Variants in NES observed in about 807,000 individuals in gnomAD.
NES encodes nestin.
Under a neutral mutation model 35.6 loss-of-function variants are expected in NES, and 27 were observed. The observed-to-expected ratio is 0.76, with a 90% CI of 0.56 to 1.04. The LOEUF (loss-of-function observed/expected upper bound fraction) is 1.04. Among genes scored for constraint, NES ranks in the 50% least tolerant of loss-of-function variants. The pLI is 0.00. For missense variants in NES, 1,867 were observed against 1,983.6 expected (o/e 0.94, Z 1.12); for synonymous variants, 822 against 824.2 (o/e 1.00, Z 0.04).
At chr1:156,673,986 G>T (rs1557999777) in intron 2 of NES, among the ~76,000 whole-genome samples, 1 of 152,172 alleles carries the variant, frequency 6.6e-6, no homozygotes, top group Non-Finnish European at 1.5e-5. Context: ...CCCATGGGAT[G>T]GGCTCCCTCC....
intron 3 of NES, 97 bp from the exon 4 acceptor site, chr1:156,673,302 G>A (rs1679776565): frequency 1.5e-6 from 2 of 1,294,542 alleles, no homozygotes; most frequent in East Asian, 4.8e-5. Context: ...CCATGCGCCT[G>A]CCCCTGGCGC....
chr1:156,676,440 C>A lies in NES; in HGVS notation c.783+42G>T, dbSNP rs1409535585. Reference sequence around the variant, plus strand: ...GAGCTTCATAAGGGACTTTCTGGAGCTTTCTGGGACTTTCTCTCACCCAGG... The same window carrying A: ...GAGCTTCATAAGGGACTTTCTGGAGATTTCTGGGACTTTCTCTCACCCAGG... On this transcript the variant is annotated intron_variant, in intron 1 of 3. Transcript: ENST00000368223. The surrounding 1 kb of genome is among the most constrained non-coding windows in gnomAD (Gnocchi z 5.3). 6.3e-7 allele frequency: 1 copy of A among 1,588,714 alleles called. No individual in the cohort carries two copies. Among genetic ancestry groups the A allele is most frequent in the East Asian group, 2.2e-5 (1 of 44,688 alleles).
intron 2 of NES, 22 bp downstream of exon 2, chr1:156,675,194 G>A: frequency 6.2e-7 from 1 of 1,609,256 alleles, no homozygotes; most frequent in Non-Finnish European, 8.5e-7. Context: ...GTGTGCCTGG[G>A]TGGACAGGGC....
chr1:156,677,235 A>T lies in NES; in HGVS notation c.30T>A (p.Phe10Leu), dbSNP rs770451506. Residue 10 changes from phenylalanine to leucine, a missense_variant, in exon 1 of 4, where the codon TTT becomes TTA. Physicochemically the swap from Phe to Leu is conservative, Grantham distance 22. Coordinates refer to ENST00000368223, the MANE Select transcript of NES (RefSeq NM_006617.2). This position sits in a 1 kb window ranked among gnomAD's most constrained non-coding sequence, Gnocchi z 4.5. MEGCMGEES[F>L]QMWELNRRLE... ...GGCGCCGATTGAGCTCCCACATCTG[A>T]AACGACTCCTCCCCCATGCAGCCCT... 2.5e-6 allele frequency: 4 copies of T among 1,612,516 alleles called. No individual in the cohort carries two copies. In the South Asian group the frequency reaches 4.4e-5, roughly 18 times the overall value.
In NES at chr1:156,672,712, T is replaced by C; in HGVS notation, c.1476A>G (p.Ile492Met). ...TTTGCCCTTCACCTTCCCCTCGGCA[T>C]ATGCTGAACACTCTAGACCCACCGG... ...GESGGSRVFS[I>M]CRGEGEGQIW... Residue 492 changes from isoleucine to methionine, a missense_variant, in exon 4 of 4, where the codon ATA (isoleucine) becomes ATG (methionine). Ile to Met is a conservative substitution (Grantham distance 10). Coordinates refer to ENST00000368223, the MANE Select transcript of NES (RefSeq NM_006617.2). 6.2e-7 allele frequency: 1 copy of C among 1,613,740 alleles called. No individual in the cohort carries two copies. The highest frequency in any genetic ancestry group is 1.6e-4 in the Middle Eastern group (1 of 6,062).
At position 156,672,573 on chromosome 1, in the gene NES, C is replaced by A; in HGVS notation, c.1615G>T (p.Val539Phe). Residue 539 changes from valine (V) to phenylalanine (F), a missense_variant, in exon 4 of 4, where the codon GTT becomes TTT. Transcript: ENST00000368223. ...TTCAGGGTTTCTTTTTCCAAAGGAACCTGGGAGTCCTGGATTTCCTTCCTG... is the reference window on the plus strand; with the variant it reads ...TTCAGGGTTTCTTTTTCCAAAGGAAACTGGGAGTCCTGGATTTCCTTCCTG... ...LNRKEIQDSQVPLEKETLKSL... is the reference protein window; with the variant it reads ...LNRKEIQDSQFPLEKETLKSL... 6.2e-7 allele frequency: 1 copy of A among 1,613,802 alleles called. No individual in the cohort carries two copies. Among genetic ancestry groups the A allele is most frequent in the Non-Finnish European group, 8.5e-7 (1 of 1,180,002 alleles).
rs750356478 is a variant in NES, at chr1:156,673,297, C to T, written c.983-92G>A. The T allele has an allele frequency of 2.3e-5, 30 of 1,304,026 alleles. No individual in the cohort carries two copies. In the East Asian group the frequency reaches 4.1e-4, roughly 18 times the overall value. 80.8% of individuals were successfully genotyped at this position (1,304,026 alleles called of 1,614,324 possible). ...GCCACCGCTGGCAAGAGTATCCATGCGCCTGCCCCTGGCGCCCATGGCTGG... is the reference window on the plus strand; with the variant it reads ...GCCACCGCTGGCAAGAGTATCCATGTGCCTGCCCCTGGCGCCCATGGCTGG... On this transcript the variant is annotated intron_variant, in intron 3 of 3. Transcript: ENST00000368223.
In NES at chr1:156,670,489, A is replaced by AG; in HGVS notation, c.3698dup (p.Gly1234TrpfsTer7). 1 of 1,584,596 alleles carries AG rather than the reference A, an allele frequency of 6.3e-7. No individual in the cohort carries two copies. The highest frequency in any genetic ancestry group is 8.6e-7 in the Non-Finnish European group (1 of 1,163,106). On this transcript the variant is annotated frameshift_variant, in exon 4 of 4. Transcript: ENST00000368223. LOFTEE classifies it low-confidence loss of function (END_TRUNC). ...TCCCTTCAGCCTGAGGCTGAGGCCC[A>AG]GGGGCATCTTCCAGGATCGGGGTGT...
Position 156,672,594 on chromosome 1 carries a change from T to C in NES, c.1594A>G (p.Lys532Glu), listed in dbSNP as rs561908124. ...GGAACCTGGGAGTCCTGGATTTCCT[T>C]CCTGTTTAGATCCTCTTCTTCCCAT... Reference protein sequence around the residue: ...EIWEEEDLNRKEIQDSQVPLE... With the variant: ...EIWEEEDLNREEIQDSQVPLE... Residue 532 changes from lysine to glutamate, a missense_variant, in exon 4 of 4, where the codon AAG (lysine) becomes GAG (glutamate). Lys to Glu is a moderately conservative substitution (Grantham distance 56). Transcript: ENST00000368223. 4.3e-6 allele frequency: 7 copies of C among 1,613,790 alleles called. No homozygotes were observed. In the South Asian group the frequency reaches 6.6e-5, roughly 15 times the overall value.
Position 156,671,200 on chromosome 1 carries a change from C to A in NES, c.2988G>T (p.Glu996Asp). 1.2e-6 allele frequency: 2 copies of A among 1,614,164 alleles called. No individual in the cohort carries two copies. The highest frequency in any genetic ancestry group is 2.2e-5 in the South Asian group (2 of 91,080). Residue 996 changes from glutamate (E) to aspartate (D), a missense_variant, in exon 4 of 4, where the codon GAG becomes GAT. Glu to Asp is a conservative substitution (Grantham distance 45, BLOSUM62 2). Coordinates refer to ENST00000368223, the MANE Select transcript of NES (RefSeq NM_006617.2). ...DGFTGKEEVVEQGELNATEEV... is the reference protein window; with the variant it reads ...DGFTGKEEVVDQGELNATEEV... ...CCTCTGTGGCATTCAGCTCTCCCTG[C>A]TCTACCACCTCCTCCTTCCCAGTGA...
chr1:156,670,498 T>C lies in NES; in HGVS notation c.3690A>G (p.Glu1230=). The C allele has an allele frequency of 6.3e-7, 1 of 1,589,144 alleles. No homozygotes were observed. The highest frequency in any genetic ancestry group is 8.6e-7 in the Non-Finnish European group (1 of 1,165,172). ...CCTGAGGCTGAGGCCCAGGGGCATC[T>C]TCCAGGATCGGGGTGTACGTTGGGC... ...SPSPTYTPIL[E]DAPGPQPQAE... is the part of the protein sequence containing the mutation. Residue 1230 remains glutamate (E), a synonymous_variant, in exon 4 of 4, where the codon GAA becomes GAG. Transcript: ENST00000368223.
chr1:156,670,538 A>G lies in NES; in HGVS notation c.3650T>C (p.Val1217Ala). 6.2e-7 allele frequency: 1 copy of G among 1,608,922 alleles called. No homozygotes were observed. The highest frequency in any genetic ancestry group is 1.7e-5 in the Admixed American group (1 of 59,808). The change falls in exon 4 of 4, where the codon GTG becomes GCG. Residue 1217 changes from valine to alanine, a missense_variant. Physicochemically the swap from Val to Ala is moderately conservative, Grantham distance 64. Transcript: ENST00000368223. ...GTACGTTGGGCTGGGGGAGACCAGC[A>G]CTGGTGGTACATCCTCCTCAGCTTC... is the stretch of plus-strand genomic sequence containing the variant. The part of the protein sequence containing the change: ...SEEAEEDVPP[V>A]LVSPSPTYTP...
Position 156,676,332 on chromosome 1 carries a change from C to T in NES, c.783+150G>A. 4 of 745,940 alleles carry T rather than the reference C, an allele frequency of 5.4e-6. No homozygotes were observed. In the South Asian group the frequency reaches 7.3e-5, roughly 14 times the overall value. The allele number at this position is 745,940 out of a possible 1,614,324, so 46.2% of individuals were successfully genotyped here. ...CCTACACTAGACGGGCTGTAAAAGT[C>T]TAGGACTTGTGGCACCAGGTTTCTG... is the stretch of plus-strand genomic sequence containing the variant. On this transcript the variant is annotated intron_variant, in intron 1 of 3. Transcript: ENST00000368223. The surrounding 1 kb of genome is among the most constrained non-coding windows in gnomAD (Gnocchi z 5.3).
In NES at chr1:156,676,568, C is replaced by T. The variant is rs762007164; in HGVS notation, c.697G>A (p.Gly233Arg). 5.0e-6 allele frequency: 8 copies of T among 1,589,342 alleles called. No individual in the cohort carries two copies. In the Admixed American group the frequency reaches 1.4e-4, roughly 27 times the overall value. ...GCTGCCCTGCGCTCCAGGAGGCCTCCGCGCTCAGCCTGGAGCTGCTGCAGC... is the reference window on the plus strand; with the variant it reads ...GCTGCCCTGCGCTCCAGGAGGCCTCTGCGCTCAGCCTGGAGCTGCTGCAGC... ...LELQQLQAER[G>R]GLLERRAALE... is the part of the protein sequence containing the mutation. Residue 233 changes from glycine (G) to arginine (R), a missense_variant, in exon 1 of 4, where the codon GGA (glycine) becomes AGA (arginine). Physicochemically the swap from Gly to Arg is moderately radical, Grantham distance 125. Transcript: ENST00000368223. This position sits in a 1 kb window ranked among gnomAD's most constrained non-coding sequence, Gnocchi z 5.3.
intron 2 of NES, 105 bp downstream of exon 2, chr1:156,675,111 G>A (rs1647229538): frequency 7.2e-7 from 1 of 1,382,856 alleles, no homozygotes; most frequent in Non-Finnish European, 9.9e-7. Context: ...CCCAGTGGCA[G>A]CAGAGTTGCC....
Position 156,670,405 on chromosome 1 carries a change from G to A in NES, c.3783C>T (p.Ser1261=), listed in dbSNP as rs1350031014. 2.9e-5 allele frequency: 45 copies of A among 1,577,904 alleles called. No homozygotes were observed. Among genetic ancestry groups the A allele is most frequent in the Admixed American group, 3.6e-5 (2 of 54,862 alleles). ...CCCCAGAACCCAACTCCTCCTGCTCGCTCTCTACTTTCCCCAGGGCTTCAG... is the reference window on the plus strand; with the variant it reads ...CCCCAGAACCCAACTCCTCCTGCTCACTCTCTACTTTCCCCAGGGCTTCAG... ...GRAEALGKVE[S]EQEELGSGEI... is the part of the protein sequence containing the mutation. Residue 1261 remains serine (S), a synonymous_variant, in exon 4 of 4, where the codon AGC becomes AGT. Transcript: ENST00000368223.
rs575163857 is a variant in NES, at chr1:156,669,055, C to A, written c.*267G>T. The A allele has an allele frequency of 2.0e-5, 7 of 352,740 alleles. No individual in the cohort carries two copies. The highest frequency in any genetic ancestry group is 3.1e-5 in the Non-Finnish European group (6 of 195,250). 21.9% of individuals were successfully genotyped at this position (352,740 alleles called of 1,614,324 possible). On this transcript the variant is annotated 3_prime_UTR_variant, in exon 4 of 4. Transcript: ENST00000368223. ...CGGAGGGAAGGGGACCTAGTACTAT[C>A]GGGATTCAGCTGACTTAGCCTATGA... is the stretch of plus-strand genomic sequence containing the variant.
At chr1:156,675,461 G>T (rs1647248012) in intron 1 of NES, 121 bp from the exon 2 acceptor site, 2 of 1,203,226 alleles carry the variant, frequency 1.7e-6, no homozygotes, top group South Asian at 1.6e-5. Context: ...ACTTATCTGT[G>T]TAGCAGACCC....
At position 156,676,414 on chromosome 1, in the gene NES, T is replaced by G; in HGVS notation, c.783+68A>C. ...CCCCACTCCCTTCCCAGAAGGTCTC[T>G]GAGCTTCATAAGGGACTTTCTGGAG... is the stretch of plus-strand genomic sequence containing the variant. On this transcript the variant is annotated intron_variant, in intron 1 of 3. Coordinates refer to ENST00000368223, the MANE Select transcript of NES (RefSeq NM_006617.2). This position sits in a 1 kb window ranked among gnomAD's most constrained non-coding sequence, Gnocchi z 5.3. 1.4e-5 allele frequency: 22 copies of G among 1,525,682 alleles called. No individual in the cohort carries two copies. The highest frequency in any genetic ancestry group is 1.8e-5 in the Non-Finnish European group (20 of 1,122,236). The allele number at this position is 1,525,682 out of a possible 1,614,324, so 94.5% of individuals were successfully genotyped here.
Sources: gnomAD v4.1 joint callset for allele counts (sites outside exome capture counted in the v4.1 genomes callset) on GRCh38, gnomAD v4.1.1 for gene constraint, Gnocchi (gnomAD v3.1) non-coding constraint, MANE v1.5 for transcripts, NCBI Gene and HGNC (gene_info 2026-07-23, HGNC 2026-07-21) for gene names.